Variants in COL22A1 observed in about 807,000 individuals in gnomAD.
The protein encoded by COL22A1 is collagen alpha-1(XXII) chain.
In COL22A1, 221 loss-of-function variants were observed where a neutral mutation model predicts 248.9. That is an observed-to-expected ratio of 0.89 (90% CI 0.80 to 0.99). The LOEUF (loss-of-function observed/expected upper bound fraction) is 0.99. Among genes scored for constraint, COL22A1 ranks in the 50% least tolerant of loss-of-function variants. The probability of loss-of-function intolerance (pLI) is 0.00; values close to 1 mark genes in which losing one functional copy is unlikely to be tolerated. For synonymous variants in COL22A1, 891 were observed against 793.4 expected (o/e 1.12, Z -2.07); for missense variants, 2,240 against 2,179.0 (o/e 1.03, Z -0.56).
intron 8 of COL22A1, 88 bp downstream of exon 8, chr8:138,812,851 C>A (rs1586807388): frequency 1.3e-5 from 13 of 1,030,954 alleles, no homozygotes; most frequent in Non-Finnish European, 2.0e-5. Flanking sequence ...TGACCACCAA[C>A]CACCCAACCC....
At chr8:138,824,374 T>C (rs1243489643) in intron 6 of COL22A1, among the ~76,000 whole-genome samples, 1 of 152,174 alleles carries the variant, frequency 6.6e-6, no homozygotes, top group Non-Finnish European at 1.5e-5. Context: ...ATCCTACTGG[T>C]TCTATTTTCA....
chr8:138,859,660 A>AC (rs35933359), intron 3 of COL22A1, among the ~76,000 whole-genome samples: 2,155 of 151,498 alleles, frequency 0.014, 56 homozygotes, highest in African/African-American at 0.05. Flanking sequence ...GGGTGGCGCC[A>AC]CCCCCCCACA....
chr8:138,820,995 G>A, intron 7 of COL22A1, 141 bp downstream of exon 7: 1 of 881,046 alleles, frequency 1.1e-6, no homozygotes, highest in Non-Finnish European at 1.7e-6. Context: ...TCTGAGTCAG[G>A]GTCTTTCCTT....
chr8:138,863,481 T>C (rs1822639247), intron 3 of COL22A1, among the ~76,000 whole-genome samples: 3 of 151,986 alleles, frequency 2.0e-5, no homozygotes, highest in African/African-American at 7.2e-5. Context: ...TCAGGGATGG[T>C]GTTGGGGGCC....
intron 25 of COL22A1, among the ~76,000 whole-genome samples, chr8:138,724,352 G>C (rs1481079698): frequency 6.6e-6 from 1 of 152,228 alleles, no homozygotes; most frequent in African/African-American, 2.4e-5. Context: ...GGTGAAAAGA[G>C]AAAGGTCAGT....
chr8:138,712,926 G>A (rs1047108749), intron 30 of COL22A1, among the ~76,000 whole-genome samples: 1 of 152,136 alleles, frequency 6.6e-6, no homozygotes, highest in East Asian at 1.9e-4. Flanking sequence ...ATCAGCAGAG[G>A]GTACGTGTTC....
chr8:138,674,372 C>G (rs1564177254), intron 41 of COL22A1, among the ~76,000 whole-genome samples: 2 of 147,594 alleles, frequency 1.4e-5, no homozygotes, highest in African/African-American at 5.4e-5. Context: ...CACACCTTTG[C>G]TTAGCTCAGC....
chr8:138,717,526 C>T (rs2131106633), intron 27 of COL22A1, among the ~76,000 whole-genome samples: 1 of 152,210 alleles, frequency 6.6e-6, no homozygotes, highest in Non-Finnish European at 1.5e-5. Context: ...TACAGTGATG[C>T]AGTCATAGCT....
chr8:138,787,173 G>A (rs1311934214), intron 12 of COL22A1, among the ~76,000 whole-genome samples: 1 of 152,144 alleles, frequency 6.6e-6, no homozygotes, highest in East Asian at 1.9e-4. Context: ...GTGGGGAAAA[G>A]ACTAGAGGTT....
chr8:138,639,763 T>C (rs1821505425), intron 47 of COL22A1, among the ~76,000 whole-genome samples: 1 of 152,208 alleles, frequency 6.6e-6, no homozygotes, highest in South Asian at 2.1e-4. Flanking sequence ...CTAGGAACCA[T>C]CTCTTTGAAA....
At chr8:138,861,521 G>A (rs1333086520) in intron 3 of COL22A1, among the ~76,000 whole-genome samples, 4 of 152,114 alleles carry the variant, frequency 2.6e-5, no homozygotes, top group South Asian at 4.1e-4. Context: ...AACGCGCAGC[G>A]CCGCCTTCTG....
At chr8:138,871,565 G>A (rs551701516) in intron 3 of COL22A1, among the ~76,000 whole-genome samples, 3 of 152,306 alleles carry the variant, frequency 2.0e-5, no homozygotes, top group Admixed American at 1.3e-4. Context: ...TTGATGGACT[G>A]CCCATCTCCT....
At chr8:138,782,179 G>T (rs189050917) in intron 12 of COL22A1, among the ~76,000 whole-genome samples, 2 of 152,356 alleles carry the variant, frequency 1.3e-5, no homozygotes, top group East Asian at 3.9e-4. Flanking sequence ...GCCATGGCAT[G>T]ATACAGACAT....
intron 55 of COL22A1, 144 bp from the exon 56 acceptor site, chr8:138,614,064 AT>A: frequency 2.9e-6 from 2 of 694,316 alleles, no homozygotes; most frequent in Non-Finnish European, 5.1e-6. Context: ...TTAATTGTCC[AT>A]TATTCCAAAT....
chr8:138,673,571 A>G (rs1825240690), intron 41 of COL22A1, among the ~76,000 whole-genome samples: 1 of 151,990 alleles, frequency 6.6e-6, no homozygotes, highest in Non-Finnish European at 1.5e-5. Context: ...AATGGAAATG[A>G]ATAAATCCTG....
chr8:138,786,638 G>A (rs1014686758), intron 12 of COL22A1, among the ~76,000 whole-genome samples: 6 of 152,170 alleles, frequency 3.9e-5, no homozygotes, highest in African/African-American at 1.4e-4. Flanking sequence ...GGGCACAGTG[G>A]CTCACGCTTG....
At chr8:138,722,218 T>C in intron 25 of COL22A1, 129 bp from the exon 26 acceptor site, 1 of 719,882 alleles carries the variant, frequency 1.4e-6, no homozygotes, top group South Asian at 1.9e-5. Flanking sequence ...TGCTCTTTGA[T>C]TAGCAGGGCC....
chr8:138,739,375 G>C (rs1409992371), intron 22 of COL22A1, among the ~76,000 whole-genome samples: 1 of 152,130 alleles, frequency 6.6e-6, no homozygotes, highest in Admixed American at 6.5e-5. Flanking sequence ...ACATAGATCA[G>C]TTTTTCAATT....
At chr8:138,645,206 G>A (rs547921848) in intron 47 of COL22A1, among the ~76,000 whole-genome samples, 3 of 152,198 alleles carry the variant, frequency 2.0e-5, no homozygotes, top group South Asian at 2.1e-4. Flanking sequence ...GACATGTGAC[G>A]TACGAACAAA....
Sources: allele counts gnomAD v4.1 joint callset (sites outside exome capture counted in the v4.1 genomes callset), GRCh38; gene constraint gnomAD v4.1.1; transcripts MANE v1.5; gene names NCBI Gene and HGNC (gene_info 2026-07-23, HGNC 2026-07-21).